CHST9: variants seen among roughly 807,000 people sequenced by gnomAD.
The protein encoded by CHST9 is carbohydrate sulfotransferase 9.
In CHST9, 41 loss-of-function variants were observed where a neutral mutation model predicts 44.4. That is an observed-to-expected ratio of 0.92 (90% CI 0.72 to 1.20). The LOEUF (loss-of-function observed/expected upper bound fraction) is 1.20, where lower values mean the gene tolerates loss of function less well. Ranked by LOEUF, CHST9 falls within the 50% of genes most tolerant of loss-of-function variation. CHST9 has a pLI of 0.00. For missense variants in CHST9, 504 were observed against 516.5 expected, an observed-to-expected ratio of 0.98 and a Z score of 0.23; for synonymous variants, 171 against 178.4, an observed-to-expected ratio of 0.96 and a Z score of 0.33.
At position 27,130,718 on chromosome 18, in the gene CHST9, G is replaced by A. The variant is rs189969853; in HGVS notation, c.121+11971C>T. On this transcript the variant is annotated intron_variant, in intron 2 of 5. Coordinates refer to ENST00000618847, the MANE Select transcript of CHST9 (RefSeq NM_031422.6). The stretch of plus-strand genomic sequence containing the variant: ...CTTTAATGTGCATCAGTTGGAGAAT[G>A]TATATATAAATTACAGCTTATTCAT... Among the ~76,000 whole-genome samples the A allele has an allele frequency of 6.8e-4, 103 of 152,256 alleles. 1 individual carries two copies. Among genetic ancestry groups the A allele is most frequent in the Middle Eastern group, 3.4e-3 (1 of 294 alleles).
intron 3 of CHST9, among the ~76,000 whole-genome samples, chr18:27,047,229 C>T (rs932581967): frequency 5.9e-5 from 9 of 152,042 alleles, no homozygotes; most frequent in African/African-American, 1.9e-4. Flanking sequence ...TTCTTCCAAA[C>T]TGTGCATTTT....
chr18:27,030,980 A>G (rs541315116), intron 3 of CHST9, among the ~76,000 whole-genome samples: 2 of 152,246 alleles, frequency 1.3e-5, no homozygotes, highest in South Asian at 4.1e-4. Flanking sequence ...TCCTGTTTAT[A>G]TTGTATTTAA....
At chr18:27,141,618 T>C (rs1224523202) in intron 2 of CHST9, among the ~76,000 whole-genome samples, 1 of 98,672 alleles carries the variant, frequency 1.0e-5, no homozygotes, top group Non-Finnish European at 2.0e-5. Context: ...AAAAAAAAAG[T>C]AGGAGGATAA....
At chr18:27,121,681 T>C (rs1363734203) in intron 2 of CHST9, among the ~76,000 whole-genome samples, 1 of 152,074 alleles carries the variant, frequency 6.6e-6, no homozygotes, top group East Asian at 1.9e-4. Context: ...CTGCTGAGGA[T>C]TGAGGATGAC....
At chr18:26,992,286 G>A (rs1228491786) in intron 4 of CHST9, among the ~76,000 whole-genome samples, 1 of 75,262 alleles carries the variant, frequency 1.3e-5, no homozygotes, top group East Asian at 5.6e-4. Flanking sequence ...ACAGATGCTA[G>A]TGAGCCTTCA....
chr18:27,161,087 G>A (rs1429448414), intron 1 of CHST9, among the ~76,000 whole-genome samples: 2 of 152,090 alleles, frequency 1.3e-5, no homozygotes, highest in East Asian at 3.9e-4. Context: ...ATTTTTTGAA[G>A]GGTTTTTTGT....
At chr18:27,032,046 C>G (rs1425703926) in intron 3 of CHST9, among the ~76,000 whole-genome samples, 1 of 151,974 alleles carries the variant, frequency 6.6e-6, no homozygotes, top group Non-Finnish European at 1.5e-5. Context: ...ACAGATTTGC[C>G]AAGTGCTGGA....
chr18:27,118,957 T>C (rs1004198670), intron 2 of CHST9, among the ~76,000 whole-genome samples: 1 of 152,258 alleles, frequency 6.6e-6, no homozygotes, highest in Non-Finnish European at 1.5e-5. Flanking sequence ...GATTAACAGT[T>C]ACATTTTGTA....
chr18:27,083,211 G>A (rs1233341328), intron 2 of CHST9, among the ~76,000 whole-genome samples: 1 of 152,082 alleles, frequency 6.6e-6, no homozygotes, highest in African/African-American at 2.4e-5. Flanking sequence ...ATAGGCATTG[G>A]AAGGGAGGCA....
chr18:26,994,183 A>G (rs2056858027), intron 4 of CHST9, among the ~76,000 whole-genome samples: 1 of 152,214 alleles, frequency 6.6e-6, no homozygotes, highest in African/African-American at 2.4e-5. Context: ...GGAATTCAAC[A>G]TATACATTTT....
intron 4 of CHST9, among the ~76,000 whole-genome samples, chr18:26,952,914 A>G (rs535436780): frequency 1.3e-5 from 2 of 152,144 alleles, no homozygotes; most frequent in Non-Finnish European, 2.9e-5. Flanking sequence ...CTGTGGGCAC[A>G]CAGATGGGGA....
intron 2 of CHST9, among the ~76,000 whole-genome samples, chr18:27,065,611 T>G (rs1427905091): frequency 7.3e-6 from 1 of 137,096 alleles, no homozygotes; most frequent in Non-Finnish European, 1.6e-5. Context: ...TTGAGAGAGA[T>G]AAGGTTTAAT....
At chr18:27,091,732 A>G (rs561387534) in intron 2 of CHST9, among the ~76,000 whole-genome samples, 2 of 152,292 alleles carry the variant, frequency 1.3e-5, no homozygotes, top group Admixed American at 1.3e-4. Flanking sequence ...GTTCCTGTTT[A>G]TATGATGGAT....
At chr18:26,981,787 T>G (rs2056695053) in intron 4 of CHST9, among the ~76,000 whole-genome samples, 1 of 152,242 alleles carries the variant, frequency 6.6e-6, no homozygotes, top group Non-Finnish European at 1.5e-5. Context: ...TGTAATCATT[T>G]CTGACAAGTC....
chr18:27,010,889 G>T (rs1248179383), intron 4 of CHST9, among the ~76,000 whole-genome samples: 1 of 151,866 alleles, frequency 6.6e-6, no homozygotes, highest in East Asian at 1.9e-4. Context: ...AAGGGCAGAT[G>T]GGTGGGGAAA....
intron 5 of CHST9, chr18:26,935,767 A>T (rs2055977845): frequency 6.6e-6 from 1 of 152,120 alleles, no homozygotes; most frequent in Admixed American, 6.5e-5. Flanking sequence ...GTGTATAAGA[A>T]TTTTTTCAAC....
At chr18:27,053,316 GAGA>G (rs1222759157) in intron 2 of CHST9, among the ~76,000 whole-genome samples, 1 of 116,582 alleles carries the variant, frequency 8.6e-6, no homozygotes, top group African/African-American at 3.3e-5. Flanking sequence ...GAAGGAGAAG[GAGA>G]AGGAGAAGAT....
chr18:27,086,950 A>G (rs2058018750), intron 2 of CHST9, among the ~76,000 whole-genome samples: 1 of 152,318 alleles, frequency 6.6e-6, no homozygotes. Flanking sequence ...TTTTCTAAAA[A>G]AAAATAAATG....
In CHST9 at chr18:26,916,728, G is replaced by A. The variant is rs751346125; in HGVS notation, c.863C>T (p.Ser288Leu). Residue 288 changes from serine (S) to leucine (L), a missense_variant, in exon 6 of 6, where the codon TCA becomes TTA. Transcript: ENST00000618847. ...FVRDPMERLV[S>L]AFRDKFEHPN... ...GTGTTCAAATTTGTCCCTAAAGGCT[G>A]ATACTAATCTTTCCATGGGATCACG... 5 of 1,613,780 alleles carry A rather than the reference G, an allele frequency of 3.1e-6. No individual in the cohort carries two copies. The African/African-American group carries it at 4.0e-5, about 13-fold the overall frequency.
Sources: allele counts gnomAD v4.1 joint callset (sites outside exome capture counted in the v4.1 genomes callset), GRCh38; gene constraint gnomAD v4.1.1; transcripts MANE v1.5; gene names NCBI Gene and HGNC (gene_info 2026-07-23, HGNC 2026-07-21).